TLE2: variants seen among roughly 807,000 people sequenced by gnomAD.
TLE2 encodes transducin-like enhancer protein 2.
In TLE2, 74 loss-of-function variants were observed where a neutral mutation model predicts 97.2. That is an observed-to-expected ratio of 0.76 (90% CI 0.63 to 0.92). The LOEUF is 0.92. Among genes scored for constraint, TLE2 ranks in the 40% least tolerant of loss-of-function variants. The pLI, the probability that TLE2 is intolerant of heterozygous loss-of-function variation, is 0.00. For synonymous variants in TLE2, 499 were observed against 432.1 expected, an observed-to-expected ratio of 1.15 and a Z score of -1.92; for missense variants, 1,038 against 1,008.7, an observed-to-expected ratio of 1.03 and a Z score of -0.39.
intron 1 of TLE2, among the ~76,000 whole-genome samples, chr19:3,040,883 G>A (rs1172397528): frequency 2.0e-5 from 3 of 149,588 alleles, no homozygotes; most frequent in Non-Finnish European, 3.0e-5. Context: ...TTTCTGGTTT[G>A]CAGTGAGACC....
At chr19:3,010,234 CAT>C (rs2089566767) in intron 12 of TLE2, among the ~76,000 whole-genome samples, 1 of 151,868 alleles carries the variant, frequency 6.6e-6, no homozygotes, top group Non-Finnish European at 1.5e-5. Context: ...CATGGTGGTG[CAT>C]GCCCGTAATT....
At chr19:3,021,543 G>GA (rs1268249928) in intron 5 of TLE2, among the ~76,000 whole-genome samples, 1 of 152,174 alleles carries the variant, frequency 6.6e-6, no homozygotes, top group Non-Finnish European at 1.5e-5. Context: ...AAATTTAAGT[G>GA]AATACAAGTT....
rs777073357 is a variant in TLE2, at chr19:3,017,855, C to T, written c.555G>A (p.Glu185=). The change falls in exon 8 of 20, where the codon GAG becomes GAA. Residue 185 remains glutamate, a synonymous_variant. Coordinates refer to ENST00000262953, the MANE Select transcript of TLE2 (RefSeq NM_003260.5). The part of the protein sequence containing the change: ...AGVEAEGSRV[E]RAPSRSASPS... Reference sequence around the variant, plus strand: ...ACTCACTTACCCTGCTCGGGGCTCTCTCCACTGACAGATTGGGAATGGGAT... The same window carrying T: ...ACTCACTTACCCTGCTCGGGGCTCTTTCCACTGACAGATTGGGAATGGGAT... 3 of 1,612,428 alleles carry T rather than the reference C, an allele frequency of 1.9e-6. No individual in the cohort carries two copies. Among genetic ancestry groups the T allele is most frequent in the South Asian group, 2.2e-5 (2 of 90,866 alleles).
chr19:3,012,916 C>T (rs566274182), intron 11 of TLE2, among the ~76,000 whole-genome samples: 5 of 152,284 alleles, frequency 3.3e-5, no homozygotes, highest in African/African-American at 1.2e-4. Context: ...GGGAGGACCC[C>T]TGAGGGCTTC....
At chr19:3,011,543 A>G (rs949587526) in intron 11 of TLE2, among the ~76,000 whole-genome samples, 6 of 147,338 alleles carry the variant, frequency 4.1e-5, no homozygotes, top group South Asian at 2.1e-4. Flanking sequence ...AAAAAAAAAA[A>G]AGACTCTGTC....
intron 5 of TLE2, among the ~76,000 whole-genome samples, 168 bp downstream of exon 5, chr19:3,024,852 G>A (rs531706048): frequency 1.1e-4 from 17 of 152,308 alleles, no homozygotes; most frequent in Non-Finnish European, 1.3e-4. Context: ...CTGCCCCAGC[G>A]GGATGCCTGG....
rs756840897 is a variant in TLE2, at chr19:3,025,038, G to T, written c.276C>A (p.Ile92=). The change falls in exon 5 of 20, where the codon ATC becomes ATA. Residue 92 remains isoleucine, a synonymous_variant. Transcript: ENST00000262953. Reference sequence around the variant, plus strand: ...CACTCACCTCCTGGGTCAGGAAGGGGATAATCTGAGCGCAGATACCGCTCA... The same window carrying T: ...CACTCACCTCCTGGGTCAGGAAGGGTATAATCTGAGCGCAGATACCGCTCA... The part of the protein sequence containing the change: ...KRLSGICAQI[I]PFLTQEHQQQ... 1.2e-5 allele frequency: 20 copies of T among 1,603,588 alleles called. No homozygotes were observed. Among genetic ancestry groups the T allele is most frequent in the Non-Finnish European group, 1.4e-5 (17 of 1,175,456 alleles).
chr19:3,028,970 G>C lies in TLE2; in HGVS notation c.-66C>G, dbSNP rs1286987752. The C allele has an allele frequency of 1.3e-6, 2 of 1,581,582 alleles. No homozygotes were observed. Among genetic ancestry groups the C allele is most frequent in the Non-Finnish European group, 1.7e-6 (2 of 1,165,262 alleles). ...GATGATATGGAGGCGGCAAGAGTGG[G>C]GGAGGCTGAAGTGGGGTGGTGGGGA... is the stretch of plus-strand genomic sequence containing the variant. On this transcript the variant is annotated 5_prime_UTR_variant, in exon 1 of 20. Coordinates refer to ENST00000262953, the MANE Select transcript of TLE2 (RefSeq NM_003260.5).
chr19:3,025,573 G>T, intron 4 of TLE2: 1 of 987,150 alleles, frequency 1.0e-6, no homozygotes, highest in African/African-American at 1.7e-5. Context: ...GATGCCTCCA[G>T]GTGGAGATCT....
chr19:3,024,383 C>A lies in TLE2; in HGVS notation c.294+637G>T, dbSNP rs529138734. ...CACACACACGGTTGTGCAGCCATCC[C>A]CAGCACCATCTCCAGAATTTTCCCA... On this transcript the variant is annotated intron_variant, in intron 5 of 19. Coordinates refer to ENST00000262953, the MANE Select transcript of TLE2 (RefSeq NM_003260.5). 4.2e-3 allele frequency among the ~76,000 whole-genome samples: 640 copies of A among 152,054 alleles called. 5 individuals carry two copies. The highest frequency in any genetic ancestry group is 0.013 in the African/African-American group (555 of 41,472).
At position 3,029,247 on chromosome 19, in the gene TLE2, C is replaced by T. The variant is rs1344599164; in HGVS notation, c.-343G>A. ...TGGCGGCGGCGCGGGCGGCGGGCCC[C>T]GCGCGGAGCCGCCTCCCTCCGGCGG... is the stretch of plus-strand genomic sequence containing the variant. On this transcript the variant is annotated 5_prime_UTR_variant, in exon 1 of 20. Coordinates refer to ENST00000262953, the MANE Select transcript of TLE2 (RefSeq NM_003260.5). 4.1e-6 allele frequency: 1 copy of T among 246,486 alleles called. No individual in the cohort carries two copies. The highest frequency in any genetic ancestry group is 1.9e-4 in the East Asian group (1 of 5,264). 15.3% of individuals were successfully genotyped at this position (246,486 alleles called of 1,614,324 possible).
chr19:3,011,763 T>C (rs972274999), intron 11 of TLE2, among the ~76,000 whole-genome samples: 5 of 151,788 alleles, frequency 3.3e-5, no homozygotes, highest in African/African-American at 9.7e-5. Flanking sequence ...GGCAGGAGAA[T>C]TGCTTGAACC....
chr19:3,029,519 C>A (rs1405327690), upstream of TLE2: 7 of 977,946 alleles, frequency 7.2e-6, no homozygotes, highest in African/African-American at 1.3e-4. Flanking sequence ...AGAAGAAAAA[C>A]CAGTGAAGAA....
At chr19:3,024,714 G>T (rs1403344155) in intron 5 of TLE2, among the ~76,000 whole-genome samples, 1 of 152,210 alleles carries the variant, frequency 6.6e-6, no homozygotes, top group Non-Finnish European at 1.5e-5. Context: ...CACACAGCCA[G>T]GATTCAGACC....
At chr19:3,017,247 C>A (rs1480333798) in intron 8 of TLE2, among the ~76,000 whole-genome samples, 1 of 151,578 alleles carries the variant, frequency 6.6e-6, no homozygotes, top group Non-Finnish European at 1.5e-5. Flanking sequence ...AAGTGATTCT[C>A]CTGCCTTGAC....
intron 14 of TLE2, 51 bp from the exon 15 acceptor site, chr19:3,006,720 C>G: frequency 6.6e-7 from 1 of 1,505,446 alleles, no homozygotes; most frequent in African/African-American, 1.4e-5. Flanking sequence ...CGCCCCCGCA[C>G]CCGCACCTGG....
chr19:3,018,085 C>T (rs116688482), intron 7 of TLE2, among the ~76,000 whole-genome samples: 2,525 of 152,088 alleles, frequency 0.017, 71 homozygotes, highest in African/African-American at 0.057. Flanking sequence ...GACACACAGC[C>T]CATTGGGGGT....
At chr19:3,015,228 C>T (rs923211029) in intron 9 of TLE2, among the ~76,000 whole-genome samples, 9 of 152,254 alleles carry the variant, frequency 5.9e-5, no homozygotes, top group Admixed American at 2.6e-4. Context: ...TCCCCACATT[C>T]GGCCTGGCCC....
At position 3,017,842 on chromosome 19, in the gene TLE2, T is replaced by C. The variant is rs749085348; in HGVS notation, c.568A>G (p.Arg190Gly). Residue 190 changes from arginine to glycine, a missense_variant and splice_region_variant, in exon 8 of 20, where the codon AGG becomes GGG. By Grantham distance (125) the Arg-to-Gly change is moderately radical (BLOSUM62 -2). Coordinates refer to ENST00000262953, the MANE Select transcript of TLE2 (RefSeq NM_003260.5). ...GTCCCAGGGTGCCACTCACTTACCC[T>C]GCTCGGGGCTCTCTCCACTGACAGA... Reference protein sequence around the residue: ...EGSRVERAPSRSASPSPPESL... With the variant: ...EGSRVERAPSGSASPSPPESL... 24 of 1,612,380 alleles carry C rather than the reference T, an allele frequency of 1.5e-5. No individual in the cohort carries two copies. The highest frequency in any genetic ancestry group is 2.0e-5 in the Non-Finnish European group (24 of 1,179,222).
Sources: gnomAD v4.1 joint callset for allele counts (sites outside exome capture counted in the v4.1 genomes callset) on GRCh38, gnomAD v4.1.1 for gene constraint, MANE v1.5 for transcripts, NCBI Gene and HGNC (gene_info 2026-07-23, HGNC 2026-07-21) for gene names.